STKLD1: variants seen among roughly 807,000 people sequenced by gnomAD.
The protein encoded by STKLD1 is serine/threonine kinase like domain containing 1, also known as serine/threonine kinase-like domain-containing protein STKLD1.
STKLD1 carries 79 observed loss-of-function variants against 80.4 expected under a neutral mutation model. The ratio of observed to expected loss-of-function variants is 0.98; its 90% CI spans 0.82 to 1.19. STKLD1 has a LOEUF of 1.19. STKLD1 is among the 50% of genes most tolerant of loss of function. The probability of loss-of-function intolerance (pLI) is 0.00; values close to 1 mark genes in which losing one functional copy is unlikely to be tolerated. For synonymous variants in STKLD1, 393 were observed against 357.6 expected (o/e 1.10, Z -1.12); for missense variants, 841 against 856.0 (o/e 0.98, Z 0.22).
chr9:133,402,240 C>T (rs1269989930), intron 13 of STKLD1, among the ~76,000 whole-genome samples: 1 of 152,134 alleles, frequency 6.6e-6, no homozygotes, highest in Non-Finnish European at 1.5e-5. Context: ...GCTTCCGAAG[C>T]CTCCAGCCAG....
chr9:133,402,057 T>C (rs1838719850), intron 13 of STKLD1, among the ~76,000 whole-genome samples, 179 bp downstream of exon 13: 1 of 152,208 alleles, frequency 6.6e-6, no homozygotes, highest in Non-Finnish European at 1.5e-5. Context: ...GGTCGCATCC[T>C]TTTCCATCTT....
chr9:133,400,493 T>C lies in STKLD1; in HGVS notation c.1162T>C (p.Cys388Arg), dbSNP rs782439516. The change falls in exon 12 of 18, where the codon TGT (cysteine) becomes CGT (arginine). Residue 388 changes from cysteine (C) to arginine (R), a missense_variant. Cys to Arg is a radical substitution (Grantham distance 180). Transcript: ENST00000371957. ...LHDRVLDVQL[C>R]ACSLLLHLLG... ...TGACAGGGTCCTCGATGTCCAGCTG[T>C]GTGCCTGCTCCCTGCTGCTGCACCT... 2.0e-5 allele frequency: 32 copies of C among 1,613,310 alleles called. No individual in the cohort carries two copies. The highest frequency in any genetic ancestry group is 2.3e-5 in the Non-Finnish European group (27 of 1,179,984).
chr9:133,378,033 C>T (rs1389578160), intron 1 of STKLD1, among the ~76,000 whole-genome samples: 1 of 152,180 alleles, frequency 6.6e-6, no homozygotes, highest in Non-Finnish European at 1.5e-5. Flanking sequence ...AATGCTGCTG[C>T]TGAGCTGACA....
At chr9:133,383,480 TGTGATGGTGATGATGGTG>T (rs1370901019) in intron 2 of STKLD1, among the ~76,000 whole-genome samples, 1 of 50,356 alleles carries the variant, frequency 2.0e-5, no homozygotes, top group Non-Finnish European at 4.8e-5. Context: ...ATGGTGGTGG[TGTGATGGTGATGATGGTG>T]GTGATGGTGA....
At chr9:133,404,091 G>C (rs368418553) in intron 16 of STKLD1, 43 bp downstream of exon 16, 9 of 1,523,128 alleles carry the variant, frequency 5.9e-6, no homozygotes, top group Non-Finnish European at 7.9e-6. Flanking sequence ...AGAGGTGGGG[G>C]CAAGAATCAG....
chr9:133,397,905 C>A, intron 10 of STKLD1, 67 bp from the exon 11 acceptor site: 1 of 1,350,778 alleles, frequency 7.4e-7, no homozygotes, highest in Non-Finnish European at 1.0e-6. Flanking sequence ...CAGTGTGGTG[C>A]CGAGAAACAG....
chr9:133,389,252 G>C lies in STKLD1; in HGVS notation c.397-274G>C. On this transcript the variant is annotated intron_variant, in intron 5 of 17. Transcript: ENST00000371957. This position sits in a 1 kb window ranked among gnomAD's most constrained non-coding sequence, Gnocchi z 6.4. Reference sequence around the variant, plus strand: ...GCGCGGGCCACAGAGTAGGGTGCAGGGATGGGGCCCCTGCAGCACCCAGGG... The same window carrying C: ...GCGCGGGCCACAGAGTAGGGTGCAGCGATGGGGCCCCTGCAGCACCCAGGG... 1.0e-6 allele frequency: 1 copy of C among 985,402 alleles called. No individual in the cohort carries two copies. Among genetic ancestry groups the C allele is most frequent in the Non-Finnish European group, 1.2e-6 (1 of 829,934 alleles). 61.0% of individuals were successfully genotyped at this position (985,402 alleles called of 1,614,324 possible).
chr9:133,406,051 C>T lies in STKLD1; in HGVS notation c.*630C>T, dbSNP rs1203159298. 6.6e-6 allele frequency: 1 copy of T among 152,280 alleles called. No homozygotes were observed. Among genetic ancestry groups the T allele is most frequent in the African/African-American group, 2.4e-5 (1 of 41,466 alleles). 9.4% of individuals were successfully genotyped at this position (152,280 alleles called of 1,614,324 possible). ...TAGATGAGAGTCAACACTGAGCCTC[C>T]ACAGGCTCCATTCCAAGTAAACATC... On this transcript the variant is annotated 3_prime_UTR_variant, in exon 18 of 18. Transcript: ENST00000371957.
intron 10 of STKLD1, 129 bp downstream of exon 10, chr9:133,397,423 G>T: frequency 4.0e-6 from 5 of 1,236,076 alleles, no homozygotes; most frequent in East Asian, 2.5e-5. Context: ...CGACCAGTGG[G>T]TAGGAACAGT....
chr9:133,400,224 G>C (rs1035663360), intron 11 of STKLD1, among the ~76,000 whole-genome samples, 189 bp from the exon 12 acceptor site: 1 of 152,214 alleles, frequency 6.6e-6, no homozygotes, highest in African/African-American at 2.4e-5. Flanking sequence ...GGGCAGCACA[G>C]AGCAGGACAC....
chr9:133,381,531 ACCCCCTTCT>A lies in STKLD1; in HGVS notation c.175-2321_175-2313del, dbSNP rs1455288931. On this transcript the variant is annotated intron_variant, in intron 2 of 17. Coordinates refer to ENST00000371957, the MANE Select transcript of STKLD1 (RefSeq NM_153710.5). The stretch of plus-strand genomic sequence containing the variant: ...AATGGCGTGATCTCGGCACACTGCA[ACCCCCTTCT>A]CCCAGGTTCAAGTGATTCTCCTGCC... 4.1e-5 allele frequency among the ~76,000 whole-genome samples: 6 copies of A among 144,818 alleles called. No homozygotes were observed. The Admixed American group carries it at 4.2e-4, about 10-fold the overall frequency.
chr9:133,401,426 G>A (rs933863163), intron 12 of STKLD1, among the ~76,000 whole-genome samples: 1 of 152,134 alleles, frequency 6.6e-6, no homozygotes, highest in African/African-American at 2.4e-5. Flanking sequence ...ATGAGCCACC[G>A]CGCGCGGCCA....
At position 133,387,511 on chromosome 9, in the gene STKLD1, A is replaced by C; in HGVS notation, c.359A>C (p.Glu120Ala). The C allele has an allele frequency of 6.2e-7, 1 of 1,614,010 alleles. No individual in the cohort carries two copies. Among genetic ancestry groups the C allele is most frequent in the East Asian group, 2.2e-5 (1 of 44,874 alleles). Residue 120 changes from glutamate to alanine, a missense_variant, in exon 5 of 18, where the codon GAG becomes GCG. Transcript: ENST00000371957. ...FNELSFQEVI[E>A]DKRKAKKIID... is the part of the protein sequence containing the mutation. Reference sequence around the variant, plus strand: ...GAGCTCAGCTTCCAGGAGGTCATTGAGGATAAGAGGAAGGCAAAGAAAATC... The same window carrying C: ...GAGCTCAGCTTCCAGGAGGTCATTGCGGATAAGAGGAAGGCAAAGAAAATC...
intron 2 of STKLD1, 124 bp from the exon 3 acceptor site, chr9:133,383,732 T>C (rs1838205034): frequency 2.4e-6 from 2 of 828,128 alleles, no homozygotes; most frequent in African/African-American, 1.7e-5. Flanking sequence ...ATGATGGTGA[T>C]GGTTGTGGTG....
At chr9:133,402,579 G>A (rs990110609) in intron 13 of STKLD1, among the ~76,000 whole-genome samples, 2 of 152,258 alleles carry the variant, frequency 1.3e-5, no homozygotes, top group Admixed American at 1.3e-4. Context: ...GAAGGCACAG[G>A]CTGGCTCTGT....
chr9:133,395,837 A>T, intron 9 of STKLD1, 74 bp downstream of exon 9: 1 of 1,483,488 alleles, frequency 6.7e-7, no homozygotes, highest in Non-Finnish European at 9.2e-7. Flanking sequence ...ATACAAGCAC[A>T]GCTAGTTGGC....
chr9:133,393,318 G>T (rs1838464430), intron 7 of STKLD1, among the ~76,000 whole-genome samples: 2 of 135,424 alleles, frequency 1.5e-5, no homozygotes, highest in South Asian at 5.3e-4. Context: ...ATAGATGGGT[G>T]GGTGAGTGGA....
chr9:133,397,591 G>A (rs1368910698), intron 10 of STKLD1, among the ~76,000 whole-genome samples: 1 of 152,106 alleles, frequency 6.6e-6, no homozygotes, highest in Non-Finnish European at 1.5e-5. Context: ...GTAGCTCAAT[G>A]GCCTAGTCAC....
intron 7 of STKLD1, among the ~76,000 whole-genome samples, chr9:133,392,892 A>G (rs1383173127): frequency 5.5e-5 from 1 of 18,064 alleles, no homozygotes; most frequent in Non-Finnish European, 9.9e-5. Flanking sequence ...GATTGGATGG[A>G]TGGATAGGTG....
Sources: allele counts gnomAD v4.1 joint callset (sites outside exome capture counted in the v4.1 genomes callset), GRCh38; gene constraint gnomAD v4.1.1; non-coding constraint Gnocchi (gnomAD v3.1); transcripts MANE v1.5; gene names NCBI Gene and HGNC (gene_info 2026-07-23, HGNC 2026-07-21).